The following PHKA1 variants were observed in gnomAD, a reference collection of about 807,000 sequenced individuals.
PHKA1 encodes phosphorylase b kinase regulatory subunit alpha, skeletal muscle isoform.
In PHKA1, 60 loss-of-function variants were observed where a neutral mutation model predicts 110.2. That is an observed-to-expected ratio of 0.54 (90% CI 0.44 to 0.68). The LOEUF (loss-of-function observed/expected upper bound fraction) is 0.68. PHKA1 is among the 30% of genes least tolerant of loss of function. The pLI is 0.00. For missense variants in PHKA1, 801 were observed against 942.5 expected, an observed-to-expected ratio of 0.85 and a Z score of 1.97; for synonymous variants, 316 against 333.6, an observed-to-expected ratio of 0.95 and a Z score of 0.58.
chrX:72,622,517 A>G (rs782100511), intron 18 of PHKA1: 1 of 752,197 alleles, frequency 1.3e-6, no homozygotes, highest in Admixed American at 8.8e-5. Flanking sequence ...AGTGTTGCTC[A>G]GTCACTTTCA....
chrX:72,613,096 G>A (rs945964012), intron 21 of PHKA1, among the ~76,000 whole-genome samples: 2 of 111,539 alleles, frequency 1.8e-5, no homozygotes, highest in Non-Finnish European at 3.8e-5. Context: ...GACCTCAGGT[G>A]AGAACTGCCT....
At chrX:72,635,636 G>T (rs2053221599) in intron 15 of PHKA1, among the ~76,000 whole-genome samples, 1 of 111,887 alleles carries the variant, frequency 8.9e-6, no homozygotes, top group Non-Finnish European at 1.9e-5. Context: ...GCTAGCAAAT[G>T]ACAAAGTCAG....
chrX:72,625,722 G>A (rs1056905935), intron 17 of PHKA1, among the ~76,000 whole-genome samples: 1 of 111,979 alleles, frequency 8.9e-6, no homozygotes, highest in Non-Finnish European at 1.9e-5. Context: ...CTGGAGTGCA[G>A]TGGCACAATC....
At chrX:72,660,529 AC>A in intron 8 of PHKA1, 1 of 404,634 alleles carries the variant, frequency 2.5e-6, no homozygotes, top group Non-Finnish European at 4.0e-6. Context: ...ATAGAATTGG[AC>A]CATAACAGCC....
At chrX:72,592,712 T>C (rs2052537881) in intron 29 of PHKA1, among the ~76,000 whole-genome samples, 1 of 112,636 alleles carries the variant, frequency 8.9e-6, no homozygotes, top group African/African-American at 3.2e-5. Context: ...TACTGATACA[T>C]TTGTTTTACT....
chrX:72,649,094 G>C (rs1373238611), intron 13 of PHKA1, among the ~76,000 whole-genome samples: 1 of 112,361 alleles, frequency 8.9e-6, no homozygotes, highest in East Asian at 2.8e-4. Context: ...AGGAGAACAA[G>C]ATCTCTCATG....
In PHKA1 at chrX:72,656,935, G is replaced by A. The variant is rs191143293; in HGVS notation, c.918+653C>T. On this transcript the variant is annotated intron_variant, in intron 9 of 31. Transcript: ENST00000373542. ...GTCAAATTCAAGGCTAAAAAATAAA[G>A]TGGAAGAGGAAGTAGACCAGAAGAG... Among the ~76,000 whole-genome samples, 5 of 111,621 alleles carry A rather than the reference G, an allele frequency of 4.5e-5. No homozygotes were observed. In the East Asian group the frequency reaches 1.4e-3, roughly 32 times the overall value.
chrX:72,588,042 G>A (rs1258620535), intron 29 of PHKA1, among the ~76,000 whole-genome samples: 1 of 111,448 alleles, frequency 9.0e-6, no homozygotes, highest in African/African-American at 3.3e-5. Flanking sequence ...AGGTTAACAA[G>A]GATATCCAGG....
chrX:72,697,983 C>CA (rs201347739), intron 3 of PHKA1, among the ~76,000 whole-genome samples: 8,492 of 98,143 alleles, frequency 0.087, 936 homozygotes, highest in East Asian at 0.66. Flanking sequence ...GACTCTGTCT[C>CA]AAAAAAAAAA....
chrX:72,705,857 A>G (rs1162566878), intron 2 of PHKA1, among the ~76,000 whole-genome samples: 1 of 111,953 alleles, frequency 8.9e-6, no homozygotes, highest in Non-Finnish European at 1.9e-5. Flanking sequence ...CAATCATAAC[A>G]TCTCAAAATT....
chrX:72,686,851 A>G (rs142791376), intron 4 of PHKA1, among the ~76,000 whole-genome samples: 1 of 111,642 alleles, frequency 9.0e-6, no homozygotes, highest in Non-Finnish European at 1.9e-5. Context: ...ATATCCGTAC[A>G]CTTCCCTCTA....
At chrX:72,705,381 T>C in intron 2 of PHKA1, 136 bp from the exon 3 acceptor site, 1 of 460,434 alleles carries the variant, frequency 2.2e-6, no homozygotes, top group Non-Finnish European at 4.0e-6. Flanking sequence ...TGACATTTAC[T>C]TTATTGGTAC....
In PHKA1 at chrX:72,579,755, C is replaced by CACAT. The variant is rs1169078593; in HGVS notation, c.*1246_*1247insATGT. ...ATGCTTATACACACACACACACACA[C>CACAT]ACACACATACACACACAAATATGTG... On this transcript the variant is annotated 3_prime_UTR_variant, in exon 32 of 32. Transcript: ENST00000373542. 5 of 111,565 alleles carry CACAT rather than the reference C, an allele frequency of 4.5e-5. No individual in the cohort carries two copies. Among genetic ancestry groups the CACAT allele is most frequent in the African/African-American group, 1.6e-4 (5 of 30,593 alleles). 9.2% of individuals were successfully genotyped at this position (111,565 alleles called of 1,213,427 possible). A position where few individuals can be genotyped will look rare whatever the true frequency, so the allele number is the denominator to read the frequency against.
intron 7 of PHKA1, among the ~76,000 whole-genome samples, chrX:72,666,560 T>A (rs1388981910): frequency 9.0e-6 from 1 of 111,709 alleles, no homozygotes; most frequent in Non-Finnish European, 1.9e-5. Flanking sequence ...AACCAGCAAT[T>A]TCTGAAAATC....
chrX:72,609,371 G>A (rs1421081252), intron 23 of PHKA1, among the ~76,000 whole-genome samples: 2 of 112,028 alleles, frequency 1.8e-5, no homozygotes. Flanking sequence ...CTAATTCAGG[G>A]TACCCTGTTT....
chrX:72,641,506 T>A (rs1243408375), intron 14 of PHKA1, among the ~76,000 whole-genome samples: 1 of 111,651 alleles, frequency 9.0e-6, no homozygotes, highest in African/African-American at 3.2e-5. Context: ...TTAAAATGTA[T>A]CTATATGCAC....
At chrX:72,624,789 A>T (rs1439599057) in intron 17 of PHKA1, among the ~76,000 whole-genome samples, 2 of 111,881 alleles carry the variant, frequency 1.8e-5, no homozygotes, top group Admixed American at 9.5e-5. Context: ...CCAACATCAC[A>T]CAGGTAGTAT....
chrX:72,616,693 C>T lies in PHKA1; in HGVS notation c.2369+2017G>A, dbSNP rs192929927. 4.5e-5 allele frequency among the ~76,000 whole-genome samples: 5 copies of T among 111,875 alleles called. No homozygotes were observed. The East Asian group carries it at 8.4e-4, about 19-fold the overall frequency. On this transcript the variant is annotated intron_variant, in intron 21 of 31. Transcript: ENST00000373542. ...TACAGAACATTCCATCCAAAAGCTA[C>T]AGAATACACATTATTCTCAACTTTA...
chrX:72,682,262 C>T (rs1321362484), intron 5 of PHKA1, among the ~76,000 whole-genome samples: 2 of 97,105 alleles, frequency 2.1e-5, no homozygotes, highest in Non-Finnish European at 4.2e-5. Flanking sequence ...CCCGCCCGGC[C>T]AGCCGCCCCG....
Sources: allele counts gnomAD v4.1 joint callset (sites outside exome capture counted in the v4.1 genomes callset), GRCh38; gene constraint gnomAD v4.1.1; transcripts MANE v1.5; gene names NCBI Gene and HGNC (gene_info 2026-07-23, HGNC 2026-07-21).